The following NCKAP5 variants were observed in gnomAD, a reference collection of about 807,000 sequenced individuals.
NCKAP5 encodes NCK associated protein 5.
NCKAP5 carries 92 observed loss-of-function variants against 167.0 expected under a neutral mutation model. The ratio of observed to expected loss-of-function variants is 0.55; its 90% confidence interval spans 0.47 to 0.66. The LOEUF is 0.66. NCKAP5 is among the 30% of genes least tolerant of loss of function. NCKAP5 has a pLI of 0.00. For missense variants in NCKAP5, 2,378 were observed against 2,315.0 expected (o/e 1.03, Z -0.56); for synonymous variants, 891 against 877.4 (o/e 1.02, Z -0.27).
At chr2:132,766,442 C>T (rs1048097569) in intron 16 of NCKAP5, among the ~76,000 whole-genome samples, 1 of 152,072 alleles carries the variant, frequency 6.6e-6, no homozygotes, top group African/African-American at 2.4e-5. Flanking sequence ...TTATTTAAAC[C>T]ATGGCACTTT....
intron 8 of NCKAP5, among the ~76,000 whole-genome samples, chr2:132,936,351 G>C (rs1696852313): frequency 6.6e-6 from 1 of 151,962 alleles, no homozygotes; most frequent in African/African-American, 2.4e-5. Context: ...ACAAGGAGCT[G>C]AATGACTGGA....
At chr2:132,745,498 T>C (rs1225984559) in intron 16 of NCKAP5, among the ~76,000 whole-genome samples, 1 of 151,678 alleles carries the variant, frequency 6.6e-6, no homozygotes, top group Non-Finnish European at 1.5e-5. Flanking sequence ...ACACCATATT[T>C]GAAAAAAATA....
At chr2:133,536,336 G>A (rs78878234) in intron 2 of NCKAP5, among the ~76,000 whole-genome samples, 1 of 152,082 alleles carries the variant, frequency 6.6e-6, no homozygotes, top group Non-Finnish European at 1.5e-5. Flanking sequence ...TAGGGGTCCA[G>A]TTTCATTCTT....
At chr2:132,946,823 G>A (rs1391012531) in intron 8 of NCKAP5, among the ~76,000 whole-genome samples, 1 of 152,190 alleles carries the variant, frequency 6.6e-6, no homozygotes, top group Non-Finnish European at 1.5e-5. Flanking sequence ...ACTTGAGCCT[G>A]GGAGGTGGAA....
intron 2 of NCKAP5, among the ~76,000 whole-genome samples, chr2:133,553,831 A>G (rs1687550564): frequency 6.6e-6 from 1 of 152,238 alleles, no homozygotes; most frequent in African/African-American, 2.4e-5. Flanking sequence ...TTTGTTATCT[A>G]TTGCTGTGTA....
intron 3 of NCKAP5, among the ~76,000 whole-genome samples, chr2:133,476,266 A>G (rs536096842): frequency 6.6e-6 from 1 of 152,364 alleles, no homozygotes; most frequent in Admixed American, 6.5e-5. Context: ...AGAGTGTGCA[A>G]TGCAAAGTCA....
At chr2:132,960,308 G>C (rs2076473767) in intron 8 of NCKAP5, among the ~76,000 whole-genome samples, 1 of 152,070 alleles carries the variant, frequency 6.6e-6, no homozygotes, top group South Asian at 2.1e-4. Context: ...CAAATTAAAA[G>C]ACAGAACTTG....
chr2:133,122,602 A>C (rs1443138390), intron 6 of NCKAP5: 1 of 152,184 alleles, frequency 6.6e-6, no homozygotes, highest in South Asian at 2.1e-4. Context: ...TTGCCAGCCA[A>C]GTTCCCCAGT....
At chr2:133,562,572 C>G (rs1227907398) in intron 1 of NCKAP5, among the ~76,000 whole-genome samples, 1 of 152,186 alleles carries the variant, frequency 6.6e-6, no homozygotes, top group Non-Finnish European at 1.5e-5. Flanking sequence ...ACTAACAGCT[C>G]TTCTTTCAAC....
At chr2:132,853,242 T>G (rs1839002) in intron 11 of NCKAP5, among the ~76,000 whole-genome samples, 24,723 of 152,244 alleles carry the variant, frequency 0.16, 2,462 homozygotes, top group East Asian at 0.3. Flanking sequence ...AGCCAACATT[T>G]AAAATTTGAG....
At chr2:132,717,885 G>C (rs1689521700) in intron 19 of NCKAP5, among the ~76,000 whole-genome samples, 1 of 152,168 alleles carries the variant, frequency 6.6e-6, no homozygotes, top group Admixed American at 6.5e-5. Flanking sequence ...GCATTTTGAG[G>C]GTATGAGGCT....
intron 6 of NCKAP5, among the ~76,000 whole-genome samples, chr2:132,994,656 T>C (rs2149311154): frequency 6.6e-6 from 1 of 152,364 alleles, no homozygotes; most frequent in African/African-American, 2.4e-5. Flanking sequence ...GTCAGGTCTT[T>C]CTGTGATGGT....
chr2:133,136,495 G>A (rs896318276), intron 5 of NCKAP5, among the ~76,000 whole-genome samples: 1 of 152,310 alleles, frequency 6.6e-6, no homozygotes, highest in Admixed American at 6.5e-5. Context: ...GTGTCATGAG[G>A]TACCAGCTCA....
chr2:133,626,898 T>A, the NCKAP5 span, among the ~76,000 whole-genome samples: 1 of 151,978 alleles, frequency 6.6e-6, no homozygotes, highest in African/African-American at 2.4e-5. Context: ...GGAAAGTAGT[T>A]ATTTGGGGAA....
At chr2:133,111,835 C>T (rs754273635) in intron 6 of NCKAP5, among the ~76,000 whole-genome samples, 1 of 152,042 alleles carries the variant, frequency 6.6e-6, no homozygotes, top group Non-Finnish European at 1.5e-5. Flanking sequence ...AAGAGAGTGA[C>T]CACAGAGTAA....
chr2:133,504,020 G>C (rs1292900814), intron 3 of NCKAP5, among the ~76,000 whole-genome samples: 1 of 152,114 alleles, frequency 6.6e-6, no homozygotes, highest in African/African-American at 2.4e-5. Context: ...CCTGGGAAAA[G>C]TGCTTAAATC....
At chr2:133,615,137 C>T in the NCKAP5 span, among the ~76,000 whole-genome samples, 1 of 151,808 alleles carries the variant, frequency 6.6e-6, no homozygotes, top group Admixed American at 6.6e-5. Context: ...CCTAAAAGAG[C>T]TCCTGAAGGA....
At chr2:133,019,863 T>C (rs966568712) in intron 6 of NCKAP5, among the ~76,000 whole-genome samples, 1 of 152,252 alleles carries the variant, frequency 6.6e-6, no homozygotes, top group East Asian at 1.9e-4. Context: ...TCCTCTGGTT[T>C]ACCCTTCCTT....
rs1452097912 is a variant in NCKAP5, at chr2:132,691,273, C to T, written c.5714-17968G>A. On this transcript the variant is annotated intron_variant, in intron 19 of 19. Transcript: ENST00000409261. ...CCTGTTCTTCATACAAAAGCCAAGGCATCCCTTAGAAACTGTAAATCAGGT... is the reference window on the plus strand; with the variant it reads ...CCTGTTCTTCATACAAAAGCCAAGGTATCCCTTAGAAACTGTAAATCAGGT... 3.3e-5 allele frequency among the ~76,000 whole-genome samples: 5 copies of T among 152,164 alleles called. No homozygotes were observed. In the South Asian group the frequency reaches 6.2e-4, roughly 19 times the overall value.
Sources: allele counts gnomAD v4.1 joint callset (sites outside exome capture counted in the v4.1 genomes callset), GRCh38; gene constraint gnomAD v4.1.1; transcripts MANE v1.5; gene names NCBI Gene and HGNC (gene_info 2026-07-23, HGNC 2026-07-21).